CSMD2: variants seen among roughly 807,000 people sequenced by gnomAD.
The protein encoded by CSMD2 is CUB and sushi domain-containing protein 2.
A neutral mutation model predicts 398.5 loss-of-function variants in CSMD2; 130 were observed. The ratio of observed to expected loss-of-function variants is 0.33; its 90% CI spans 0.28 to 0.38. The LOEUF (loss-of-function observed/expected upper bound fraction) is 0.38. Among genes scored for constraint, CSMD2 ranks in the 10% least tolerant of loss-of-function variants. The pLI, the probability that CSMD2 is intolerant of heterozygous loss-of-function variation, is 1.00. For synonymous variants in CSMD2, 1,828 were observed against 1,908.5 expected (o/e 0.96, Z 1.10); for missense variants, 3,829 against 4,764.9 (o/e 0.80, Z 5.78).
intron 13 of CSMD2, among the ~76,000 whole-genome samples, chr1:33,749,400 A>T (rs1343011030): frequency 6.6e-6 from 1 of 152,128 alleles, no homozygotes; most frequent in Admixed American, 6.5e-5. Flanking sequence ...CGCCCAGCCA[A>T]TACAGACTTC....
intron 5 of CSMD2, among the ~76,000 whole-genome samples, chr1:33,892,682 T>TG (rs1428516782): frequency 6.6e-6 from 1 of 152,238 alleles, no homozygotes; most frequent in Non-Finnish European, 1.5e-5. Context: ...TAGTATTCCA[T>TG]GGGGTACATA....
intron 6 of CSMD2, among the ~76,000 whole-genome samples, chr1:33,831,154 C>T (rs1026015208): frequency 2.6e-5 from 4 of 151,878 alleles, no homozygotes; most frequent in Admixed American, 1.3e-4. Context: ...TCAGGAAATA[C>T]AGAGAACGCC....
chr1:33,572,122 A>G (rs953988657), intron 50 of CSMD2, among the ~76,000 whole-genome samples: 5 of 152,226 alleles, frequency 3.3e-5, no homozygotes, highest in Admixed American at 1.3e-4. Flanking sequence ...AAACAAAACA[A>G]AACAAAAACC....
intron 6 of CSMD2, among the ~76,000 whole-genome samples, chr1:33,834,134 G>T (rs1375663950): frequency 4.3e-5 from 4 of 92,386 alleles, no homozygotes; most frequent in Non-Finnish European, 7.9e-5. Context: ...TTTCTTCACA[G>T]AATTGGAAAA....
In CSMD2 at chr1:33,736,352, G is replaced by A. The variant is rs549730553; in HGVS notation, c.2368+2788C>T. On this transcript the variant is annotated intron_variant, in intron 15 of 70. Transcript: ENST00000373381. ...AAAAATTAGCTGGGTGTGGTGGTGG[G>A]CGCCTGTAGTCCCAGCTACTTGGGA... 1.1e-4 allele frequency among the ~76,000 whole-genome samples: 16 copies of A among 152,004 alleles called. No individual in the cohort carries two copies. The East Asian group carries it at 2.7e-3, about 26-fold the overall frequency.
chr1:34,099,870 G>T (rs978351620), intron 1 of CSMD2, among the ~76,000 whole-genome samples: 1 of 152,214 alleles, frequency 6.6e-6, no homozygotes, highest in African/African-American at 2.4e-5. Context: ...TGAATGGATA[G>T]ATCAATTTCA....
At chr1:33,928,996 G>T (rs149770675) in intron 4 of CSMD2, among the ~76,000 whole-genome samples, 3 of 152,264 alleles carry the variant, frequency 2.0e-5, no homozygotes, top group African/African-American at 7.2e-5. Flanking sequence ...TCTCACAGGC[G>T]TCTCAAACGT....
intron 1 of CSMD2, among the ~76,000 whole-genome samples, chr1:34,144,771 A>C (rs1639610686): frequency 6.6e-6 from 1 of 152,222 alleles, no homozygotes; most frequent in Admixed American, 6.5e-5. Flanking sequence ...AAATTGGACA[A>C]GAACGGCATT....
chr1:33,889,691 G>A (rs759494433), intron 5 of CSMD2, among the ~76,000 whole-genome samples: 16 of 151,556 alleles, frequency 1.1e-4, no homozygotes, highest in Admixed American at 2.6e-4. Context: ...CATATTTAAC[G>A]TAGACATTTA....
At chr1:33,720,138 A>G (rs1646310497) in intron 19 of CSMD2, among the ~76,000 whole-genome samples, 1 of 152,232 alleles carries the variant, frequency 6.6e-6, no homozygotes, top group South Asian at 2.1e-4. Flanking sequence ...CAGAGAACGA[A>G]GAATGCCCTC....
intron 5 of CSMD2, among the ~76,000 whole-genome samples, chr1:33,875,992 G>A (rs1296701174): frequency 6.6e-6 from 1 of 152,200 alleles, no homozygotes; most frequent in Non-Finnish European, 1.5e-5. Context: ...TCTAGGTGTA[G>A]GTGCCAGGCC....
At chr1:33,580,681 C>A in intron 48 of CSMD2, 72 bp downstream of exon 48, 1 of 1,549,534 alleles carries the variant, frequency 6.5e-7, no homozygotes, top group Admixed American at 1.8e-5. Flanking sequence ...AATGGCCGCC[C>A]GGTCTCCACA....
rs911727781 is a variant in CSMD2 at position 33,709,457 on chromosome 1, G to A, written c.3407-199C>T. ...AAAAAAAAAATACTTCCCTACCTAT[G>A]GTGCTGCCTGCTTTGTTTCTGTCTC... On this transcript the variant is annotated intron_variant, in intron 21 of 70. Transcript: ENST00000373381. 6 of 559,630 alleles carry A rather than the reference G, an allele frequency of 1.1e-5. No homozygotes were observed. In the African/African-American group the frequency reaches 1.1e-4, roughly 11 times the overall value. 34.7% of individuals were successfully genotyped at this position (559,630 alleles called of 1,614,324 possible).
chr1:33,546,956 G>C (rs914112505), intron 56 of CSMD2, among the ~76,000 whole-genome samples: 2 of 151,984 alleles, frequency 1.3e-5, no homozygotes, highest in South Asian at 2.1e-4. Flanking sequence ...GTGATGTTTT[G>C]ATGCATGTAT....
chr1:33,523,776 T>C (rs115527392), intron 66 of CSMD2, among the ~76,000 whole-genome samples: 2,544 of 152,322 alleles, frequency 0.017, 63 homozygotes, highest in African/African-American at 0.058. Context: ...GTCCTGGGCA[T>C]GGGAGCATGT....
chr1:33,854,000 CA>C (rs1391527504), intron 5 of CSMD2, among the ~76,000 whole-genome samples: 2 of 152,130 alleles, frequency 1.3e-5, no homozygotes, highest in African/African-American at 4.8e-5. Flanking sequence ...GAAAAACGGT[CA>C]ATTATGATCT....
intron 25 of CSMD2, among the ~76,000 whole-genome samples, chr1:33,683,597 C>G (rs908143633): frequency 4.6e-5 from 7 of 152,146 alleles, no homozygotes; most frequent in Admixed American, 6.5e-5. Context: ...TGCATTCTGG[C>G]CAATTCAACT....
intron 9 of CSMD2, among the ~76,000 whole-genome samples, chr1:33,812,516 G>T (rs1323532753): frequency 6.6e-6 from 1 of 152,224 alleles, no homozygotes; most frequent in Non-Finnish European, 1.5e-5. Context: ...GAAACACTTA[G>T]ATTCCTAGAT....
intron 9 of CSMD2, chr1:33,815,157 C>G (rs1313448854): frequency 6.6e-6 from 1 of 152,118 alleles, no homozygotes; most frequent in Non-Finnish European, 1.5e-5. Context: ...CTTCCTTCAC[C>G]AATTCCTTGC....
Sources: gnomAD v4.1 joint callset for allele counts (sites outside exome capture counted in the v4.1 genomes callset) on GRCh38, gnomAD v4.1.1 for gene constraint, MANE v1.5 for transcripts, NCBI Gene and HGNC (gene_info 2026-07-23, HGNC 2026-07-21) for gene names.